SMAD4: variants seen among roughly 807,000 people sequenced by gnomAD.
SMAD4 encodes the protein MAD homolog 4.
In SMAD4, 7 loss-of-function variants were observed where a neutral mutation model predicts 63.2. The ratio of observed to expected loss-of-function variants is 0.11; its 90% CI spans 0.06 to 0.21. SMAD4 has a LOEUF of 0.21. Ranked by LOEUF, SMAD4 falls within the 10% of genes least tolerant of loss-of-function variation. The pLI is 1.00. For missense variants in SMAD4, 312 were observed against 693.8 expected (o/e 0.45, Z 6.18); for synonymous variants, 215 against 235.4 (o/e 0.91, Z 0.79).
At chr18:51,074,099 C>T (rs1314486148) in intron 10 of SMAD4, among the ~76,000 whole-genome samples, 2 of 151,234 alleles carry the variant, frequency 1.3e-5, no homozygotes, top group African/African-American at 4.9e-5. Flanking sequence ...ATAGACTGGG[C>T]ATAGTGATTG....
At chr18:51,068,982 A>G (rs775007537) in intron 10 of SMAD4, among the ~76,000 whole-genome samples, 17 of 152,184 alleles carry the variant, frequency 1.1e-4, no homozygotes, top group Non-Finnish European at 2.9e-5. Flanking sequence ...AAATGATATC[A>G]TGATATTTGT....
chr18:51,031,599 A>G (rs112512652), intron 1 of SMAD4, among the ~76,000 whole-genome samples: 2,692 of 152,314 alleles, frequency 0.018, 33 homozygotes, highest in Non-Finnish European at 0.028. Context: ...CTGCAAACAT[A>G]TAATCTTAGC....
chr18:51,039,741 T>A (rs933324102), intron 1 of SMAD4, among the ~76,000 whole-genome samples: 5 of 152,152 alleles, frequency 3.3e-5, no homozygotes, highest in African/African-American at 1.2e-4. Flanking sequence ...TTTCTTCTTT[T>A]AACAGCCTTT....
chr18:51,032,300 T>G (rs1909075217), intron 1 of SMAD4, among the ~76,000 whole-genome samples: 1 of 151,880 alleles, frequency 6.6e-6, no homozygotes, highest in Non-Finnish European at 1.5e-5. Flanking sequence ...GAAGTGGGAG[T>G]GTATGTTTCT....
chr18:51,030,664 C>A, intron 1 of SMAD4, 41 bp downstream of exon 1: 1 of 150,154 alleles, frequency 6.7e-6, no homozygotes, highest in South Asian at 1.8e-4. Flanking sequence ...CGGCCGGGCC[C>A]GCGCACCCCG....
At chr18:51,062,949 C>T (rs936337015) in intron 8 of SMAD4, among the ~76,000 whole-genome samples, 33 of 146,896 alleles carry the variant, frequency 2.2e-4, no homozygotes, top group Admixed American at 9.6e-4. Flanking sequence ...CTCTGCCTCC[C>T]GGGTTCACAC....
chr18:51,030,700 G>C (rs947534506), intron 1 of SMAD4, 77 bp downstream of exon 1: 1 of 150,302 alleles, frequency 6.7e-6, no homozygotes, highest in Non-Finnish European at 1.5e-5. Flanking sequence ...CCCCGGGGCG[G>C]GCTCCCGACG....
chr18:51,063,052 C>T (rs927576627), intron 8 of SMAD4, among the ~76,000 whole-genome samples: 2 of 151,690 alleles, frequency 1.3e-5, no homozygotes, highest in African/African-American at 4.8e-5. Flanking sequence ...CGGGGTTTCA[C>T]TATGTTGGTC....
intron 1 of SMAD4, among the ~76,000 whole-genome samples, chr18:51,043,089 T>G (rs1909437362): frequency 6.6e-6 from 1 of 152,228 alleles, no homozygotes; most frequent in African/African-American, 2.4e-5. Context: ...TTTTCCTCCT[T>G]TTTGTTATAG....
intron 8 of SMAD4, among the ~76,000 whole-genome samples, chr18:51,064,564 TA>T (rs1330107534): frequency 2.6e-5 from 4 of 152,244 alleles, no homozygotes. Context: ...AAATAATTTT[TA>T]TGTATTTGGG....
At chr18:51,078,132 C>A in intron 11 of SMAD4, 124 bp from the exon 12 acceptor site, 1 of 818,462 alleles carries the variant, frequency 1.2e-6, no homozygotes, top group Non-Finnish European at 2.1e-6. Context: ...GGCACTTTAG[C>A]AGAGAAGTTA....
intron 1 of SMAD4, among the ~76,000 whole-genome samples, chr18:51,035,451 A>G (rs1212046280): frequency 6.6e-6 from 1 of 152,158 alleles, no homozygotes; most frequent in Non-Finnish European, 1.5e-5. Flanking sequence ...CTAAGGCAAG[A>G]GGATCACTTG....
chr18:51,064,149 A>G (rs1314867178), intron 8 of SMAD4, among the ~76,000 whole-genome samples: 1 of 152,068 alleles, frequency 6.6e-6, no homozygotes, highest in Non-Finnish European at 1.5e-5. Context: ...TTCAAATTCT[A>G]GTTTAAAGTT....
intron 10 of SMAD4, among the ~76,000 whole-genome samples, chr18:51,074,574 G>A (rs1287042098): frequency 6.6e-6 from 1 of 152,202 alleles, no homozygotes; most frequent in Non-Finnish European, 1.5e-5. Context: ...TAGTGGGGAT[G>A]TTGATAGTGG....
At chr18:51,053,804 A>G (rs1439139000) in intron 4 of SMAD4, 2 of 152,158 alleles carry the variant, frequency 1.3e-5, no homozygotes, top group African/African-American at 4.8e-5. Flanking sequence ...TTTGTGGTCT[A>G]CTAATTGACT....
chr18:51,068,756 C>CA (rs1252138816), intron 10 of SMAD4, among the ~76,000 whole-genome samples: 1 of 151,540 alleles, frequency 6.6e-6, no homozygotes, highest in Non-Finnish European at 1.5e-5. Flanking sequence ...CCCATCTCTA[C>CA]AAAAAAATTA....
At position 51,079,579 on chromosome 18, in the gene SMAD4, T is replaced by C. The variant is rs1910557685; in HGVS notation, c.*1112T>C. The C allele has an allele frequency of 1.3e-5, 3 of 233,352 alleles. No individual in the cohort carries two copies. In the East Asian group the frequency reaches 1.8e-4, roughly 14 times the overall value. The allele number at this position is 233,352 out of a possible 1,614,324, so 14.5% of individuals were successfully genotyped here. The stretch of plus-strand genomic sequence containing the variant: ...GATATTGTTTAAAATTCAGTTTTTG[T>C]ATCTTGGGGCAAGACTGCAAACTTT... On this transcript the variant is annotated 3_prime_UTR_variant, in exon 12 of 12. Transcript: ENST00000342988.
Position 51,079,151 on chromosome 18 carries a change from A to G in SMAD4, c.*684A>G. 1 of 232,888 alleles carries G rather than the reference A, an allele frequency of 4.3e-6. No homozygotes were observed. Among genetic ancestry groups the G allele is most frequent in the Admixed American group, 5.6e-5 (1 of 17,790 alleles). 14.4% of individuals were successfully genotyped at this position (232,888 alleles called of 1,614,324 possible). On this transcript the variant is annotated 3_prime_UTR_variant, in exon 12 of 12. Transcript: ENST00000342988. Reference sequence around the variant, plus strand: ...AGAATCCCTTAAAATTACCAGACAAAAAAATTTAAAATTACGTTTGTTATT... The same window carrying G: ...AGAATCCCTTAAAATTACCAGACAAGAAAATTTAAAATTACGTTTGTTATT...
chr18:51,055,041 A>G (rs746688491), intron 5 of SMAD4, 48 bp downstream of exon 5: 12 of 1,378,584 alleles, frequency 8.7e-6, no homozygotes, highest in Middle Eastern at 1.8e-4. Flanking sequence ...TTTCCTAATC[A>G]TTGCTTATTT....
Sources: allele counts gnomAD v4.1 joint callset (sites outside exome capture counted in the v4.1 genomes callset), GRCh38; gene constraint gnomAD v4.1.1; transcripts MANE v1.5; gene names NCBI Gene and HGNC (gene_info 2026-07-23, HGNC 2026-07-21).